Variants in CWH43 observed in about 807,000 individuals in gnomAD.
The protein encoded by CWH43 is cell wall biogenesis 43 C-terminal homolog.
CWH43 carries 91 observed loss-of-function variants against 85.7 expected under a neutral mutation model. That is an observed-to-expected ratio of 1.06 (90% CI 0.90 to 1.26). The LOEUF (loss-of-function observed/expected upper bound fraction) is 1.26. CWH43 is among the 50% of genes most tolerant of loss of function. The pLI is 0.00. For synonymous variants in CWH43, 323 were observed against 293.6 expected (o/e 1.10, Z -1.02); for missense variants, 869 against 839.2 (o/e 1.04, Z -0.44).
At position 49,032,655 on chromosome 4, in the gene CWH43, T is replaced by G; in HGVS notation, c.1598T>G (p.Leu533Trp). 6.2e-7 allele frequency: 1 copy of G among 1,614,134 alleles called. No individual in the cohort carries two copies. The highest frequency in any genetic ancestry group is 8.5e-7 in the Non-Finnish European group (1 of 1,179,976). Reference protein sequence around the residue: ...PEGEIAPAITLTVNISGKLVD... With the variant: ...PEGEIAPAITWTVNISGKLVD... ...GGCGAGATCGCACCAGCCATCACATTGACCGTTAACATTTCGGGCAAGCTG... is the reference window on the plus strand; with the variant it reads ...GGCGAGATCGCACCAGCCATCACATGGACCGTTAACATTTCGGGCAAGCTG... Residue 533 changes from leucine to tryptophan, a missense_variant, in exon 12 of 16, where the codon TTG becomes TGG. Physicochemically the swap from Leu to Trp is moderately conservative, Grantham distance 61. Coordinates refer to ENST00000226432, the MANE Select transcript of CWH43 (RefSeq NM_025087.3).
intron 9 of CWH43, among the ~76,000 whole-genome samples, chr4:49,020,968 T>C (rs1396918160): frequency 6.6e-6 from 1 of 152,190 alleles, no homozygotes. Context: ...CTTTGTCAGA[T>C]GTATAGATAG....
At chr4:49,032,893 T>C (rs913374891) in intron 12 of CWH43, among the ~76,000 whole-genome samples, 178 bp downstream of exon 12, 16 of 152,232 alleles carry the variant, frequency 1.1e-4, no homozygotes, top group Non-Finnish European at 2.2e-4. Context: ...AGGCAGCCGT[T>C]AGTGCTGGTG....
chr4:49,040,583 T>A (rs1186602254), intron 13 of CWH43, among the ~76,000 whole-genome samples: 8 of 152,330 alleles, frequency 5.3e-5, no homozygotes, highest in Admixed American at 5.2e-4. Flanking sequence ...CACTTTTTGA[T>A]GGGGTTGTTT....
chr4:49,043,249 G>A (rs1248964787), intron 13 of CWH43, among the ~76,000 whole-genome samples: 1 of 152,200 alleles, frequency 6.6e-6, no homozygotes, highest in Non-Finnish European at 1.5e-5. Flanking sequence ...TATTATGTGT[G>A]TCTGGCTGTA....
At chr4:48,986,741 A>G in intron 1 of CWH43, 11 of 1,306,970 alleles carry the variant, frequency 8.4e-6, no homozygotes, top group Non-Finnish European at 1.1e-5. Flanking sequence ...ATTGTGCCCA[A>G]GGAGCGCGAA....
At position 49,007,156 on chromosome 4, in the gene CWH43, T is replaced by G. The variant is rs1156621647; in HGVS notation, c.1061-45T>G. 2.6e-6 allele frequency: 4 copies of G among 1,555,980 alleles called. No individual in the cohort carries two copies. The South Asian group carries it at 5.1e-5, about 20-fold the overall frequency. On this transcript the variant is annotated intron_variant, in intron 7 of 15. Coordinates refer to ENST00000226432, the MANE Select transcript of CWH43 (RefSeq NM_025087.3). ...CTGCTGGAATACAACATTGGAAGGA[T>G]TTTTGGATCAGACTATAACATATTC...
chr4:48,986,485 C>T lies in CWH43; in HGVS notation c.43+13C>T, dbSNP rs777614008. ...GAGTCGCTGCTGGGTAAGCCGAAGCCCCTCGCCGCGAGTTCGCGGGTGCCA... is the reference window on the plus strand; with the variant it reads ...GAGTCGCTGCTGGGTAAGCCGAAGCTCCTCGCCGCGAGTTCGCGGGTGCCA... On this transcript the variant is annotated intron_variant, in intron 1 of 15. Coordinates refer to ENST00000226432, the MANE Select transcript of CWH43 (RefSeq NM_025087.3). 1 of 1,552,910 alleles carries T rather than the reference C, an allele frequency of 6.4e-7. No individual in the cohort carries two copies. Among genetic ancestry groups the T allele is most frequent in the Admixed American group, 2.0e-5 (1 of 50,964 alleles).
chr4:49,057,423 C>G (rs1324816155), intron 15 of CWH43, among the ~76,000 whole-genome samples: 1 of 152,162 alleles, frequency 6.6e-6, no homozygotes, highest in Non-Finnish European at 1.5e-5. Flanking sequence ...CTGAAAGAGG[C>G]AGTAAATATG....
intron 14 of CWH43, among the ~76,000 whole-genome samples, chr4:49,046,178 T>A (rs1008506583): frequency 1.3e-5 from 2 of 152,222 alleles, no homozygotes; most frequent in African/African-American, 4.8e-5. Flanking sequence ...ACTGTATACA[T>A]ACATATGTGA....
At chr4:48,988,043 A>C (rs192204141) in intron 1 of CWH43, among the ~76,000 whole-genome samples, 1 of 152,206 alleles carries the variant, frequency 6.6e-6, no homozygotes, top group East Asian at 1.9e-4. Context: ...CTACAGCCAT[A>C]TGGGCAAGGG....
intron 11 of CWH43, among the ~76,000 whole-genome samples, chr4:49,031,866 A>T (rs1267856627): frequency 1.3e-5 from 2 of 152,166 alleles, no homozygotes; most frequent in African/African-American, 4.8e-5. Context: ...CTAAGAGATG[A>T]TACCCTTTAA....
chr4:48,990,706 A>G (rs1782632483), intron 2 of CWH43, among the ~76,000 whole-genome samples: 1 of 152,246 alleles, frequency 6.6e-6, no homozygotes, highest in African/African-American at 2.4e-5. Context: ...TAAGAAATAT[A>G]AAATGGCACA....
chr4:49,008,568 G>A (rs764451378), intron 8 of CWH43, among the ~76,000 whole-genome samples: 2 of 152,106 alleles, frequency 1.3e-5, no homozygotes, highest in African/African-American at 4.8e-5. Context: ...GTCCTGAATG[G>A]TATTGCCTAG....
At chr4:49,048,370 TAC>T (rs1784695438) in intron 14 of CWH43, among the ~76,000 whole-genome samples, 3 of 151,260 alleles carry the variant, frequency 2.0e-5, no homozygotes, top group South Asian at 2.1e-4. Flanking sequence ...TGTATATATA[TAC>T]ACACACATAC....
intron 8 of CWH43, 37 bp from the exon 9 acceptor site, chr4:49,017,212 T>C: frequency 1.3e-6 from 2 of 1,534,708 alleles, no homozygotes; most frequent in South Asian, 1.2e-5. Context: ...ATTTTATTTA[T>C]TTTAAAAAAA....
Position 49,007,201 on chromosome 4 carries a change from G to T in CWH43, c.1061G>T (p.Gly354Val). 6.2e-7 allele frequency: 1 copy of T among 1,605,608 alleles called. No homozygotes were observed. Among genetic ancestry groups the T allele is most frequent in the South Asian group, 1.1e-5 (1 of 88,410 alleles). The stretch of plus-strand genomic sequence containing the variant: ...ATATTCTTTCTTTCTCTTATAACAG[G>T]GACAATGATGTTAATTATCGGGCTG... The part of the protein sequence containing the change: ...YARERSDVLL[G>V]TMMLIIGLNM... Residue 354 changes from glycine to valine, a missense_variant and splice_region_variant, in exon 8 of 16, where the codon GGG (glycine) becomes GTG (valine). Physicochemically the swap from Gly to Val is moderately radical, Grantham distance 109. Coordinates refer to ENST00000226432, the MANE Select transcript of CWH43 (RefSeq NM_025087.3).
At chr4:49,040,034 T>C (rs1784408094) in intron 13 of CWH43, among the ~76,000 whole-genome samples, 1 of 152,150 alleles carries the variant, frequency 6.6e-6, no homozygotes, top group African/African-American at 2.4e-5. Context: ...CTGAGAATGA[T>C]GGTTTCCAGT....
At chr4:48,991,679 G>T in intron 3 of CWH43, 105 bp downstream of exon 3, 2 of 1,338,628 alleles carry the variant, frequency 1.5e-6, no homozygotes, top group Non-Finnish European at 2.1e-6. Flanking sequence ...CTTCCATATG[G>T]CTTTGTCAAA....
chr4:49,013,327 C>T (rs749833250), intron 8 of CWH43, among the ~76,000 whole-genome samples: 13 of 152,242 alleles, frequency 8.5e-5, no homozygotes, highest in East Asian at 1.9e-4. Flanking sequence ...CCTGTTCTGC[C>T]GGTTGCTAAG....
Sources: gnomAD v4.1 joint callset for allele counts (sites outside exome capture counted in the v4.1 genomes callset) on GRCh38, gnomAD v4.1.1 for gene constraint, MANE v1.5 for transcripts, NCBI Gene and HGNC (gene_info 2026-07-23, HGNC 2026-07-21) for gene names.